The following ANXA8 variants were observed in gnomAD, a reference collection of about 807,000 sequenced individuals.
ANXA8 encodes VAC-beta.
ANXA8 carries 9 observed loss-of-function variants against 26.8 expected under a neutral mutation model. That is an observed-to-expected ratio of 0.34 (90% CI 0.20 to 0.59). ANXA8 has a LOEUF of 0.59. Among genes scored for constraint, ANXA8 ranks in the 20% least tolerant of loss-of-function variants. ANXA8 has a pLI of 0.84. For missense variants in ANXA8, 83 were observed against 238.5 expected (o/e 0.35, Z 4.29); for synonymous variants, 39 against 94.8 (o/e 0.41, Z 3.42).
At chr10:47,510,784 C>T in the ANXA8 span, among the ~76,000 whole-genome samples, 1 of 102,330 alleles carries the variant, frequency 9.8e-6, no homozygotes, top group African/African-American at 4.7e-5. Flanking sequence ...GAGCCGAGTT[C>T]GCGCCACTGC....
chr10:47,560,659 G>T, the ANXA8 span, among the ~76,000 whole-genome samples: 2 of 152,030 alleles, frequency 1.3e-5, no homozygotes, highest in East Asian at 3.8e-4. Flanking sequence ...TCCTAGGAGG[G>T]TGGCGTTAGC....
intron 1 of ANXA8, among the ~76,000 whole-genome samples, chr10:47,483,161 G>T (rs1435436804): frequency 6.6e-6 from 1 of 151,432 alleles, no homozygotes; most frequent in Non-Finnish European, 1.5e-5. Context: ...TGCTGGGGAT[G>T]GGCTGCCCTG....
chr10:47,681,282 G>A, the ANXA8 span, among the ~76,000 whole-genome samples: 1 of 151,776 alleles, frequency 6.6e-6, no homozygotes, highest in Non-Finnish European at 1.5e-5. Context: ...TTTGGCCTGG[G>A]GAATTGGGAT....
the ANXA8 span, among the ~76,000 whole-genome samples, chr10:47,526,010 A>G: frequency 7.3e-6 from 1 of 136,534 alleles, no homozygotes; most frequent in Non-Finnish European, 1.6e-5. Flanking sequence ...CTCCATGTTG[A>G]TCAGGCCCAC....
chr10:47,476,527 C>G lies in ANXA8; in HGVS notation c.322-205G>C, dbSNP rs1480373162. On this transcript the variant is annotated intron_variant, in intron 4 of 11. Transcript: ENST00000585281. ...GTGACGGGGAAGCCCTGTCTCAGCT[C>G]TCCCTCCTTAGCTGGGTGGTCTCAG... Among the ~76,000 whole-genome samples the G allele has an allele frequency of 2.4e-5, 3 of 126,202 alleles. 1 individual carries two copies. The highest frequency in any genetic ancestry group is 8.7e-5 in the African/African-American group (3 of 34,514). 82.8% of individuals were successfully genotyped at this position (126,202 alleles called of 152,430 possible).
the ANXA8 span, among the ~76,000 whole-genome samples, chr10:47,567,558 C>A: frequency 6.6e-6 from 1 of 151,608 alleles, no homozygotes; most frequent in Non-Finnish European, 1.5e-5. Flanking sequence ...CTTCTTTTCA[C>A]CCACAGCCCT....
chr10:47,502,332 GTCC>G, the ANXA8 span: 1 of 1,602,428 alleles, frequency 6.2e-7, no homozygotes, highest in Non-Finnish European at 8.5e-7. Context: ...CTGTCTGCAG[GTCC>G]TCATCAGTGG....
At chr10:47,492,271 G>A in the ANXA8 span, among the ~76,000 whole-genome samples, 1 of 148,560 alleles carries the variant, frequency 6.7e-6, no homozygotes, top group African/African-American at 2.4e-5. Context: ...CCTTGCCCGA[G>A]TCAGAGGGGG....
chr10:47,733,167 T>TTCTTTCTTTCTCTCTCTC, the ANXA8 span, among the ~76,000 whole-genome samples: 1 of 99,654 alleles, frequency 1.0e-5, no homozygotes, highest in African/African-American at 3.3e-5. Flanking sequence ...CTTTCTTTCT[T>TTCTTTCTTTCTCTCTCTC]TCTTTCTTTC....
the ANXA8 span, among the ~76,000 whole-genome samples, chr10:47,567,678 T>G: frequency 6.6e-6 from 1 of 151,116 alleles, no homozygotes; most frequent in Non-Finnish European, 1.5e-5. Flanking sequence ...TTGCAATCTA[T>G]GGATTAGAGG....
At chr10:47,647,892 G>C in the ANXA8 span, among the ~76,000 whole-genome samples, 2 of 151,890 alleles carry the variant, frequency 1.3e-5, no homozygotes, top group African/African-American at 4.8e-5. Flanking sequence ...CAAAGAAAAT[G>C]ACTGCAAGAT....
the ANXA8 span, among the ~76,000 whole-genome samples, chr10:47,605,889 G>A: frequency 7.2e-6 from 1 of 138,354 alleles, no homozygotes. Context: ...ATATAAAATA[G>A]ACACTTAAAA....
At chr10:47,695,285 G>T in the ANXA8 span, among the ~76,000 whole-genome samples, 1 of 151,440 alleles carries the variant, frequency 6.6e-6, no homozygotes, top group African/African-American at 2.4e-5. Flanking sequence ...TAAGAAATGG[G>T]TTGCAGGCGG....
At chr10:47,982,827 T>TATATATATATATATATATAA in the ANXA8 span, among the ~76,000 whole-genome samples, 1 of 70,782 alleles carries the variant, frequency 1.4e-5, no homozygotes, top group Non-Finnish European at 2.9e-5. Context: ...TATATATATA[T>TATATATATATATATATATAA]ATATATAAAA....
chr10:47,914,980 G>T, the ANXA8 span, among the ~76,000 whole-genome samples: 1 of 152,292 alleles, frequency 6.6e-6, no homozygotes, highest in Non-Finnish European at 1.5e-5. Flanking sequence ...GAGGATCTTT[G>T]GTTCTCTGTT....
the ANXA8 span, among the ~76,000 whole-genome samples, chr10:47,530,117 C>A: frequency 7.3e-6 from 1 of 137,070 alleles, no homozygotes; most frequent in Non-Finnish European, 1.6e-5. Flanking sequence ...ATCAGCAGGG[C>A]AGACAATAGC....
At chr10:47,488,489 G>A (rs1455035861), upstream of ANXA8, among the ~76,000 whole-genome samples, 57 of 150,876 alleles carry the variant, frequency 3.8e-4, 1 homozygote, top group South Asian at 1.0e-3. Context: ...AGGATTACAG[G>A]CGTGAGCCAC....
At chr10:47,570,100 G>A in the ANXA8 span, among the ~76,000 whole-genome samples, 2 of 53,156 alleles carry the variant, frequency 3.8e-5, no homozygotes, top group Non-Finnish European at 9.9e-5. Flanking sequence ...ACTGATCTTC[G>A]TTTGCTTGAT....
the ANXA8 span, among the ~76,000 whole-genome samples, chr10:47,640,840 G>GA: frequency 1.5e-5 from 2 of 132,830 alleles, no homozygotes; most frequent in African/African-American, 6.7e-5. Context: ...GATGAGCAGA[G>GA]AAAAAATAAA....
Sources: gnomAD v4.1 joint callset for allele counts (sites outside exome capture counted in the v4.1 genomes callset) on GRCh38, gnomAD v4.1.1 for gene constraint, MANE v1.5 for transcripts, NCBI Gene and HGNC (gene_info 2026-07-23, HGNC 2026-07-21) for gene names.